STAG1: variants seen among roughly 807,000 people sequenced by gnomAD.
STAG1 encodes the protein cohesin subunit SA-1.
Under a neutral mutation model 170.9 loss-of-function variants are expected in STAG1, and 26 were observed. The ratio of observed to expected loss-of-function variants is 0.15; its 90% CI spans 0.11 to 0.21. The LOEUF is 0.21. Ranked by LOEUF, STAG1 falls within the 10% of genes least tolerant of loss-of-function variation. The probability of loss-of-function intolerance (pLI) is 1.00; values close to 1 mark genes in which losing one functional copy is unlikely to be tolerated. For missense variants in STAG1, 964 were observed against 1,509.5 expected (o/e 0.64, Z 5.99); for synonymous variants, 514 against 497.7 (o/e 1.03, Z -0.44).
intron 2 of STAG1, among the ~76,000 whole-genome samples, chr3:136,630,402 G>A (rs1202110424): frequency 6.6e-6 from 1 of 151,762 alleles, no homozygotes; most frequent in Non-Finnish European, 1.5e-5. Flanking sequence ...TAGAGAAGGG[G>A]TAGAGAAAGA....
At chr3:136,714,981 T>TATATATATATTTTATATATATA (rs1943494998) in intron 1 of STAG1, among the ~76,000 whole-genome samples, 2 of 109,552 alleles carry the variant, frequency 1.8e-5, no homozygotes, top group Non-Finnish European at 4.1e-5. Context: ...TATATATTTT[T>TATATATATATTTTATATATATA]ATATATATAT....
At chr3:136,392,681 G>T (rs531847062) in intron 22 of STAG1, among the ~76,000 whole-genome samples, 1 of 149,532 alleles carries the variant, frequency 6.7e-6, no homozygotes, top group East Asian at 2.0e-4. Flanking sequence ...GAGGACAATC[G>T]CTTGAACCTG....
intron 9 of STAG1, among the ~76,000 whole-genome samples, chr3:136,492,159 C>A (rs1216978245): frequency 6.6e-6 from 1 of 152,152 alleles, no homozygotes; most frequent in Non-Finnish European, 1.5e-5. Flanking sequence ...CTGAGTGATA[C>A]TTATGGAAAT....
chr3:136,545,348 G>A (rs1347022927), intron 5 of STAG1, among the ~76,000 whole-genome samples: 1 of 152,112 alleles, frequency 6.6e-6, no homozygotes, highest in South Asian at 2.1e-4. Context: ...GATTACAGGC[G>A]TGAGCCACCG....
intron 10 of STAG1, among the ~76,000 whole-genome samples, chr3:136,475,129 T>C (rs1445571051): frequency 6.7e-6 from 1 of 149,522 alleles, no homozygotes; most frequent in Admixed American, 6.9e-5. Context: ...CTCACTTTTT[T>C]ATAGGTTCCT....
intron 9 of STAG1, among the ~76,000 whole-genome samples, chr3:136,499,592 C>T (rs534545356): frequency 3.9e-5 from 6 of 152,306 alleles, no homozygotes; most frequent in African/African-American, 1.2e-4. Flanking sequence ...GTATATGATT[C>T]ATTCACTCAA....
chr3:136,538,080 TGA>T (rs1414594527), intron 6 of STAG1, among the ~76,000 whole-genome samples: 2 of 152,204 alleles, frequency 1.3e-5, no homozygotes, highest in Non-Finnish European at 2.9e-5. Flanking sequence ...AAATAAATAC[TGA>T]GTCTTGAGTT....
rs528463583 is a variant in STAG1 at position 136,505,686 on chromosome 3, T to G, written c.677-2907A>C. ...AAGTGAACAAAACAAACAACTTCCT[T>G]TTGTGATTTTTACATTCTAGTGAGG... On this transcript the variant is annotated intron_variant, in intron 7 of 33. Coordinates refer to ENST00000383202, the MANE Select transcript of STAG1 (RefSeq NM_005862.3). Among the ~76,000 whole-genome samples the G allele has an allele frequency of 9.8e-5, 15 of 152,352 alleles. No individual in the cohort carries two copies. The South Asian group carries it at 2.1e-3, about 21-fold the overall frequency.
intron 1 of STAG1, among the ~76,000 whole-genome samples, chr3:136,646,256 T>C (rs1031048251): frequency 3.9e-5 from 6 of 152,196 alleles, no homozygotes; most frequent in Admixed American, 1.3e-4. Flanking sequence ...CCCAAAATGT[T>C]GGGATTACAG....
At chr3:136,566,455 C>G (rs1247234733) in intron 5 of STAG1, among the ~76,000 whole-genome samples, 1 of 152,216 alleles carries the variant, frequency 6.6e-6, no homozygotes, top group African/African-American at 2.4e-5. Flanking sequence ...GGTATTGTTA[C>G]AGCAACCCAA....
chr3:136,555,914 T>C (rs916779373), intron 5 of STAG1, among the ~76,000 whole-genome samples: 1 of 150,342 alleles, frequency 6.7e-6, no homozygotes, highest in Non-Finnish European at 1.5e-5. Flanking sequence ...AAACCCAAAA[T>C]GGAAAGAATG....
intron 5 of STAG1, among the ~76,000 whole-genome samples, chr3:136,543,566 A>G (rs915499716): frequency 1.5e-4 from 23 of 152,226 alleles, no homozygotes; most frequent in Admixed American, 1.4e-3. Context: ...GAAATAAGTC[A>G]TCCTAGAGTG....
At chr3:136,674,154 A>AAG (rs1942060079) in intron 1 of STAG1, among the ~76,000 whole-genome samples, 4 of 13,114 alleles carry the variant, frequency 3.1e-4, no homozygotes, top group African/African-American at 1.3e-3. Context: ...AGGGAGGGAG[A>AAG]GAGGGAGGGA....
chr3:136,396,748 G>C (rs1023852682), intron 22 of STAG1, among the ~76,000 whole-genome samples: 5 of 150,500 alleles, frequency 3.3e-5, no homozygotes, highest in African/African-American at 1.2e-4. Flanking sequence ...GGCTGGTCTC[G>C]AACTCTTGAC....
At chr3:136,424,328 CTTT>C (rs60213699) in intron 16 of STAG1, among the ~76,000 whole-genome samples, 6 of 117,158 alleles carry the variant, frequency 5.1e-5, no homozygotes, top group Admixed American at 1.8e-4. Flanking sequence ...ATGGAACGAT[CTTT>C]TTTTTTTTTT....
chr3:136,391,245 A>C (rs952883619), intron 22 of STAG1, among the ~76,000 whole-genome samples: 1 of 152,146 alleles, frequency 6.6e-6, no homozygotes, highest in Non-Finnish European at 1.5e-5. Flanking sequence ...AGGGTAAGGC[A>C]GAGAGAGTAG....
chr3:136,684,666 A>G (rs1210711180), intron 1 of STAG1, among the ~76,000 whole-genome samples: 1 of 151,350 alleles, frequency 6.6e-6, no homozygotes, highest in East Asian at 2.0e-4. Flanking sequence ...TGGGAGAATC[A>G]TCGGGAGATT....
At chr3:136,386,271 G>A (rs529184967) in intron 22 of STAG1, among the ~76,000 whole-genome samples, 6 of 152,208 alleles carry the variant, frequency 3.9e-5, no homozygotes, top group African/African-American at 1.2e-4. Flanking sequence ...CCCAGGAGGC[G>A]GAGGTTGTGG....
At chr3:136,623,948 T>G (rs1939976027) in intron 2 of STAG1, among the ~76,000 whole-genome samples, 1 of 152,106 alleles carries the variant, frequency 6.6e-6, no homozygotes, top group South Asian at 2.1e-4. Flanking sequence ...ATACTCTGTC[T>G]GAAAACAAAA....
Sources: allele counts gnomAD v4.1 joint callset (sites outside exome capture counted in the v4.1 genomes callset), GRCh38; gene constraint gnomAD v4.1.1; transcripts MANE v1.5; gene names NCBI Gene and HGNC (gene_info 2026-07-23, HGNC 2026-07-21).